Variants in CELF2 observed in about 807,000 individuals in gnomAD.
CELF2 encodes the protein CUGBP Elav-like family member 2.
Under a neutral mutation model 62.6 loss-of-function variants are expected in CELF2, and 8 were observed. The observed-to-expected ratio is 0.13, with a 90% confidence interval of 0.07 to 0.23. CELF2 has a LOEUF of 0.23. CELF2 is among the 10% of genes least tolerant of loss of function. The pLI is 1.00. For missense variants in CELF2, 333 were observed against 671.0 expected, an observed-to-expected ratio of 0.50 and a Z score of 5.56; for synonymous variants, 258 against 250.0, an observed-to-expected ratio of 1.03 and a Z score of -0.30.
At chr10:11,132,607 A>G (rs556214879) in intron 1 of CELF2, among the ~76,000 whole-genome samples, 3 of 152,198 alleles carry the variant, frequency 2.0e-5, no homozygotes, top group Non-Finnish European at 2.9e-5. Context: ...GAAATTTTCA[A>G]TTGCAGAAAG....
rs913967939 is a variant in CELF2 at position 11,098,090 on chromosome 10, A to G, written c.75-67396A>G. ...TACTCACCAGAAAAGCAAATTCAGG[A>G]TGATGTGAGAAAGAAAGTCACGTGG... On this transcript the variant is annotated intron_variant, in intron 1 of 12. Coordinates refer to ENST00000633077, the MANE Select transcript of CELF2 (RefSeq NM_001326342.2). This position sits in a 1 kb window ranked among gnomAD's most constrained non-coding sequence, Gnocchi z 4.0. 1.3e-5 allele frequency: 2 copies of G among 152,422 alleles called. No homozygotes were observed. The highest frequency in any genetic ancestry group is 2.9e-5 in the Non-Finnish European group (2 of 68,188). 9.4% of individuals were successfully genotyped at this position (152,422 alleles called of 1,614,324 possible).
chr10:10,932,466 C>T (rs571880660), intron 2 of CELF2, among the ~76,000 whole-genome samples: 5 of 152,170 alleles, frequency 3.3e-5, no homozygotes, highest in African/African-American at 1.2e-4. Context: ...TTTAATCATT[C>T]CACAGTCTAT....
chr10:10,883,828 A>G (rs971068944), intron 1 of CELF2, among the ~76,000 whole-genome samples: 2 of 152,146 alleles, frequency 1.3e-5, no homozygotes, highest in African/African-American at 4.8e-5. Flanking sequence ...CGCTTCTGCT[A>G]CTAGCATTGA....
chr10:10,968,854 A>G (rs2050443656), intron 2 of CELF2, among the ~76,000 whole-genome samples: 1 of 152,220 alleles, frequency 6.6e-6, no homozygotes, highest in African/African-American at 2.4e-5. Flanking sequence ...GTTGTTATTC[A>G]TGATGTTTAA....
At chr10:11,118,792 A>C (rs949257712) in intron 1 of CELF2, among the ~76,000 whole-genome samples, 2 of 152,220 alleles carry the variant, frequency 1.3e-5, no homozygotes, top group African/African-American at 4.8e-5. Flanking sequence ...ACAGCTCAGG[A>C]GTCACTTCTC....
intron 1 of CELF2, among the ~76,000 whole-genome samples, chr10:11,163,565 A>AGT (rs2066227024): frequency 1.3e-5 from 2 of 152,238 alleles, no homozygotes; most frequent in South Asian, 4.1e-4. Context: ...ATAAACAAGG[A>AGT]TTACATTACA....
At chr10:10,490,049 A>T in the CELF2 span, among the ~76,000 whole-genome samples, 23 of 151,644 alleles carry the variant, frequency 1.5e-4, no homozygotes, top group Admixed American at 1.5e-3. Context: ...GAAACATCAC[A>T]TTTGATTATT....
chr10:11,314,351 G>C lies in CELF2; in HGVS notation c.1096+93G>C, dbSNP rs1232029098. The C allele has an allele frequency of 6.5e-7, 1 of 1,545,964 alleles. No homozygotes were observed. The highest frequency in any genetic ancestry group is 1.7e-5 in the Admixed American group (1 of 59,650). ...GTCAGCCAGAAATGACCCGAAAAAG[G>C]ATATGCCACGGGGAGAACTAAAACT... On this transcript the variant is annotated intron_variant, in intron 10 of 12. Transcript: ENST00000633077. The surrounding 1 kb of genome is among the most constrained non-coding windows in gnomAD (Gnocchi z 5.3).
At chr10:11,153,557 C>T (rs191376872) in intron 1 of CELF2, among the ~76,000 whole-genome samples, 45 of 152,292 alleles carry the variant, frequency 3.0e-4, no homozygotes, top group African/African-American at 1.1e-3. Context: ...GAGTAACTCT[C>T]TTGTGTCACA....
At chr10:10,631,976 T>C in the CELF2 span, among the ~76,000 whole-genome samples, 2 of 152,164 alleles carry the variant, frequency 1.3e-5, no homozygotes, top group Non-Finnish European at 2.9e-5. Flanking sequence ...TAATACATAC[T>C]AATTAGTGTT....
intron 8 of CELF2, among the ~76,000 whole-genome samples, chr10:11,287,435 C>A (rs1425431826): frequency 6.6e-6 from 1 of 152,192 alleles, no homozygotes; most frequent in Non-Finnish European, 1.5e-5. Flanking sequence ...CAGGGCTGAG[C>A]CCACCCCTAG....
At position 11,246,677 on chromosome 10, in the gene CELF2, C is replaced by T. The variant is rs1283414468; in HGVS notation, c.355-2476C>T. 6.6e-6 allele frequency among the ~76,000 whole-genome samples: 1 copy of T among 152,232 alleles called. No individual in the cohort carries two copies. Among genetic ancestry groups the T allele is most frequent in the Non-Finnish European group, 1.5e-5 (1 of 68,042 alleles). On this transcript the variant is annotated intron_variant, in intron 3 of 12. Coordinates refer to ENST00000633077, the MANE Select transcript of CELF2 (RefSeq NM_001326342.2). This position sits in a 1 kb window ranked among gnomAD's most constrained non-coding sequence, Gnocchi z 4.6. ...GGACCAGTTGCTCCTGCAGCTCCTC[C>T]TGCCCCTCACTCTGCTCTCCTTGGA...
the CELF2 span, chr10:10,792,328 G>C: frequency 2.5e-6 from 1 of 398,208 alleles, no homozygotes; most frequent in Non-Finnish European, 4.4e-6. Context: ...GTCTGCTGGA[G>C]TTTTTGTGGG....
rs2096045535 is a variant in CELF2 at position 11,332,449 on chromosome 10, A to AAAC, written c.*3396_*3397insAAC. On this transcript the variant is annotated 3_prime_UTR_variant, in exon 13 of 13. Transcript: ENST00000633077. ...GCCTTTTTGGTTTTTTTAATTGAAC[A>AAAC]CATTTCATCTAAGTAAAGCTCAGTT... 1 of 152,488 alleles carries AAAC rather than the reference A, an allele frequency of 6.6e-6. No homozygotes were observed. Among genetic ancestry groups the AAAC allele is most frequent in the African/African-American group, 2.4e-5 (1 of 41,406 alleles). 9.4% of individuals were successfully genotyped at this position (152,488 alleles called of 1,614,324 possible).
At chr10:10,795,737 C>T (rs559200163), upstream of CELF2, among the ~76,000 whole-genome samples, 2 of 147,518 alleles carry the variant, frequency 1.4e-5, no homozygotes, top group South Asian at 4.5e-4. Flanking sequence ...CACACACACA[C>T]TTGGACTTTG....
the CELF2 span, among the ~76,000 whole-genome samples, chr10:10,503,852 A>G: frequency 6.6e-6 from 1 of 151,522 alleles, no homozygotes; most frequent in Non-Finnish European, 1.5e-5. Context: ...CAATTGTTAG[A>G]TTTCCCTTTT....
chr10:10,489,848 A>G, the CELF2 span, among the ~76,000 whole-genome samples: 1 of 152,114 alleles, frequency 6.6e-6, no homozygotes, highest in African/African-American at 2.4e-5. Flanking sequence ...GAATTCCAGA[A>G]AAATAACTTT....
the CELF2 span, among the ~76,000 whole-genome samples, chr10:10,673,925 A>G: frequency 1.3e-5 from 2 of 152,190 alleles, no homozygotes; most frequent in Non-Finnish European, 2.9e-5. Flanking sequence ...ATTGCTAAGC[A>G]GTGTTTTATA....
the CELF2 span, among the ~76,000 whole-genome samples, chr10:10,744,441 A>T: frequency 2.0e-5 from 3 of 152,206 alleles, no homozygotes; most frequent in Non-Finnish European, 2.9e-5. Flanking sequence ...GAGTGCTTTT[A>T]TAAGCAATTT....
Sources: gnomAD v4.1 joint callset for allele counts (sites outside exome capture counted in the v4.1 genomes callset) on GRCh38, gnomAD v4.1.1 for gene constraint, Gnocchi (gnomAD v3.1) non-coding constraint, MANE v1.5 for transcripts, NCBI Gene and HGNC (gene_info 2026-07-23, HGNC 2026-07-21) for gene names.